The following CNTNAP2 variants were observed in gnomAD, a reference collection of about 807,000 sequenced individuals.
The protein encoded by CNTNAP2 is contactin-associated protein-like 2.
A neutral mutation model predicts 155.2 loss-of-function variants in CNTNAP2; 98 were observed. The observed-to-expected ratio is 0.63, with a 90% CI of 0.54 to 0.75. CNTNAP2 has a LOEUF of 0.75. CNTNAP2 is among the 30% of genes least tolerant of loss of function. CNTNAP2 has a pLI of 0.00. For missense variants in CNTNAP2, 1,727 were observed against 1,688.1 expected, an observed-to-expected ratio of 1.02 and a Z score of -0.40; for synonymous variants, 651 against 631.2, an observed-to-expected ratio of 1.03 and a Z score of -0.47.
At chr7:147,274,271 A>G (rs888996888) in intron 8 of CNTNAP2, among the ~76,000 whole-genome samples, 5 of 151,934 alleles carry the variant, frequency 3.3e-5, no homozygotes, top group Admixed American at 1.3e-4. Context: ...TTTCCCACCA[A>G]TGTTATATAA....
intron 1 of CNTNAP2, among the ~76,000 whole-genome samples, chr7:146,721,004 A>C (rs1488217815): frequency 2.4e-5 from 3 of 123,122 alleles, no homozygotes; most frequent in African/African-American, 8.0e-5. Context: ...TATATAGTCT[A>C]TATATATACT....
In CNTNAP2 at chr7:146,600,676, G is replaced by A. The variant is rs149004325; in HGVS notation, c.98-173595G>A. 4.8e-3 allele frequency among the ~76,000 whole-genome samples: 735 copies of A among 152,162 alleles called. 5 individuals are homozygous for A. The highest frequency in any genetic ancestry group is 0.016 in the African/African-American group (680 of 41,516). On this transcript the variant is annotated intron_variant, in intron 1 of 23. Coordinates refer to ENST00000361727, the MANE Select transcript of CNTNAP2 (RefSeq NM_014141.6). ...GTACCTTTTTAGTACTTGTATTGTT[G>A]CATCGCTGAATACACAATATAATTT...
chr7:147,333,890 C>G (rs2116846804), intron 9 of CNTNAP2, among the ~76,000 whole-genome samples: 1 of 152,110 alleles, frequency 6.6e-6, no homozygotes, highest in East Asian at 1.9e-4. Flanking sequence ...TATTTAGGAC[C>G]CAAGTCATCG....
chr7:146,252,268 T>C (rs1320638859), intron 1 of CNTNAP2, among the ~76,000 whole-genome samples: 1 of 152,212 alleles, frequency 6.6e-6, no homozygotes, highest in East Asian at 1.9e-4. Flanking sequence ...GGAATTCTCA[T>C]ATAACTATAA....
chr7:147,130,016 G>A (rs1469363164), intron 7 of CNTNAP2, among the ~76,000 whole-genome samples: 1 of 152,128 alleles, frequency 6.6e-6, no homozygotes, highest in Non-Finnish European at 1.5e-5. Flanking sequence ...AATACTGCAA[G>A]AAGGATACAA....
At chr7:147,376,262 C>A (rs1008721044) in intron 9 of CNTNAP2, among the ~76,000 whole-genome samples, 10 of 151,868 alleles carry the variant, frequency 6.6e-5, no homozygotes, top group African/African-American at 9.7e-5. Context: ...GAGTTTATGG[C>A]AGATAGTCGA....
chr7:147,630,316 TAAA>T (rs71183024), intron 12 of CNTNAP2, among the ~76,000 whole-genome samples: 15 of 73,104 alleles, frequency 2.1e-4, no homozygotes, highest in South Asian at 7.9e-4. Context: ...GAAACAGTAG[TAAA>T]AAAAAAAAAA....
At chr7:147,260,404 AG>A (rs1804432594) in intron 8 of CNTNAP2, among the ~76,000 whole-genome samples, 1 of 152,206 alleles carries the variant, frequency 6.6e-6, no homozygotes, top group Non-Finnish European at 1.5e-5. Flanking sequence ...AAGATTCAAA[AG>A]CACTTTTAAT....
intron 13 of CNTNAP2, among the ~76,000 whole-genome samples, chr7:147,813,012 C>A (rs1016273496): frequency 6.6e-6 from 1 of 151,420 alleles, no homozygotes; most frequent in African/African-American, 2.4e-5. Context: ...TTCTATGGAG[C>A]AAGGAGAATT....
chr7:146,749,623 A>G (rs1000965345), intron 1 of CNTNAP2, among the ~76,000 whole-genome samples: 3 of 152,210 alleles, frequency 2.0e-5, no homozygotes, highest in African/African-American at 7.2e-5. Context: ...TGTCTTTACT[A>G]TTAGACATCA....
chr7:146,440,767 C>A (rs967430180), intron 1 of CNTNAP2, among the ~76,000 whole-genome samples: 2 of 151,570 alleles, frequency 1.3e-5, no homozygotes, highest in African/African-American at 4.9e-5. Context: ...CCATGCCTCA[C>A]TTGTGGTAAC....
rs186466931 is a variant in CNTNAP2 at position 148,099,904 on chromosome 7, A to T, written c.2384-18214A>T. On this transcript the variant is annotated intron_variant, in intron 15 of 23. Coordinates refer to ENST00000361727, the MANE Select transcript of CNTNAP2 (RefSeq NM_014141.6). ...TTTTTTTTTTTTGAGACGGAGTCTCACTCTGTCACCCAGACTTGAGTGCAA... is the reference window on the plus strand; with the variant it reads ...TTTTTTTTTTTTGAGACGGAGTCTCTCTCTGTCACCCAGACTTGAGTGCAA... Among the ~76,000 whole-genome samples, 10 of 110,764 alleles carry T rather than the reference A, an allele frequency of 9.0e-5. No individual in the cohort carries two copies. In the East Asian group the frequency reaches 2.7e-3, roughly 30 times the overall value. 72.7% of individuals were successfully genotyped at this position (110,764 alleles called of 152,430 possible). A position where few individuals can be genotyped will look rare whatever the true frequency, so the allele number is the denominator to read the frequency against.
chr7:147,660,640 A>G (rs544305870), intron 13 of CNTNAP2, among the ~76,000 whole-genome samples: 103 of 152,290 alleles, frequency 6.8e-4, no homozygotes, highest in African/African-American at 2.4e-3. Context: ...CATTCTCTGA[A>G]CTGGTGCATA....
intron 10 of CNTNAP2, among the ~76,000 whole-genome samples, chr7:147,466,686 G>A (rs1326986609): frequency 2.6e-5 from 4 of 152,170 alleles, no homozygotes; most frequent in Admixed American, 1.3e-4. Flanking sequence ...GGAGGCCAAG[G>A]TGGGCTGATC....
chr7:147,347,441 C>CAT lies in CNTNAP2; in HGVS notation c.1498+47164_1498+47165dup, dbSNP rs375359219. On this transcript the variant is annotated intron_variant, in intron 9 of 23. Coordinates refer to ENST00000361727, the MANE Select transcript of CNTNAP2 (RefSeq NM_014141.6). The stretch of plus-strand genomic sequence containing the variant: ...AAGATTATATATATATATATATATG[C>CAT]ATATATATATATATGCATATATATA... Among the ~76,000 whole-genome samples, 224 of 56,524 alleles carry CAT rather than the reference C, an allele frequency of 4.0e-3. 2 individuals carry two copies. The highest frequency in any genetic ancestry group is 0.015 in the South Asian group (16 of 1,098). 37.1% of individuals were successfully genotyped at this position (56,524 alleles called of 152,430 possible).
intron 10 of CNTNAP2, among the ~76,000 whole-genome samples, chr7:147,474,720 T>C (rs928215792): frequency 2.0e-5 from 3 of 152,202 alleles, no homozygotes; most frequent in African/African-American, 7.2e-5. Context: ...ACTGAGGCAG[T>C]CTCACAAGAA....
intron 21 of CNTNAP2, among the ~76,000 whole-genome samples, chr7:148,365,131 A>G (rs1230353172): frequency 1.3e-5 from 2 of 152,176 alleles, no homozygotes; most frequent in African/African-American, 4.8e-5. Context: ...CCTGGCTCAG[A>G]GCTCAAATGT....
chr7:147,170,186 C>A (rs531391466), intron 8 of CNTNAP2, among the ~76,000 whole-genome samples: 1 of 152,220 alleles, frequency 6.6e-6, no homozygotes, highest in African/African-American at 2.4e-5. Context: ...CTGTTGAATT[C>A]TTGTCCTTGG....
intron 2 of CNTNAP2, among the ~76,000 whole-genome samples, chr7:146,783,624 A>G (rs1344173566): frequency 2.0e-5 from 3 of 152,196 alleles, no homozygotes; most frequent in African/African-American, 7.2e-5. Context: ...TTATTTTTCA[A>G]CCATTACACT....
Sources: gnomAD v4.1 joint callset for allele counts (sites outside exome capture counted in the v4.1 genomes callset) on GRCh38, gnomAD v4.1.1 for gene constraint, MANE v1.5 for transcripts, NCBI Gene and HGNC (gene_info 2026-07-23, HGNC 2026-07-21) for gene names.